Variants in STARD9 observed in about 807,000 individuals in gnomAD.
STARD9 encodes the protein stAR-related lipid transfer protein 9.
Under a neutral mutation model 399.8 loss-of-function variants are expected in STARD9, and 346 were observed. That is an observed-to-expected ratio of 0.87 (90% CI 0.79 to 0.95). The LOEUF (loss-of-function observed/expected upper bound fraction) is 0.95. Ranked by LOEUF, STARD9 falls within the 40% of genes least tolerant of loss-of-function variation. STARD9 has a pLI of 0.00. For synonymous variants in STARD9, 2,203 were observed against 2,143.5 expected, an observed-to-expected ratio of 1.03 and a Z score of -0.77; for missense variants, 5,832 against 5,667.5, an observed-to-expected ratio of 1.03 and a Z score of -0.93.
chr15:42,665,901 C>T, intron 15 of STARD9, 53 bp downstream of exon 15: 6 of 1,445,768 alleles, frequency 4.2e-6, no homozygotes, highest in Non-Finnish European at 5.6e-6. Flanking sequence ...GGAGCTCCTC[C>T]ATTATTCCGG....
chr15:42,703,101 C>T (rs1279523669), intron 26 of STARD9, among the ~76,000 whole-genome samples: 1 of 152,164 alleles, frequency 6.6e-6, no homozygotes, highest in Non-Finnish European at 1.5e-5. Context: ...AGCCTATTTG[C>T]TTCTCTTCTC....
chr15:42,597,299 C>T (rs2141726197), intron 3 of STARD9, among the ~76,000 whole-genome samples: 1 of 152,250 alleles, frequency 6.6e-6, no homozygotes, highest in Non-Finnish European at 1.5e-5. Context: ...CTCCTGGGCT[C>T]CACCTTGGCC....
At chr15:42,632,069 G>T (rs187389986) in intron 3 of STARD9, among the ~76,000 whole-genome samples, 1 of 151,988 alleles carries the variant, frequency 6.6e-6, no homozygotes, top group Non-Finnish European at 1.5e-5. Flanking sequence ...CGGTATTGAG[G>T]TCTCTCTCTC....
chr15:42,706,044 C>T (rs2061071932), intron 26 of STARD9, among the ~76,000 whole-genome samples: 1 of 152,136 alleles, frequency 6.6e-6, no homozygotes, highest in Admixed American at 6.5e-5. Flanking sequence ...TGAGCCACCG[C>T]ACCCGTCCTG....
intron 26 of STARD9, among the ~76,000 whole-genome samples, chr15:42,703,055 A>T (rs1170883753): frequency 6.6e-6 from 1 of 152,136 alleles, no homozygotes; most frequent in Non-Finnish European, 1.5e-5. Flanking sequence ...ATAGTCTCCT[A>T]AAGTGTTGGG....
chr15:42,627,333 A>T (rs571924285), intron 3 of STARD9, among the ~76,000 whole-genome samples: 2 of 152,254 alleles, frequency 1.3e-5, no homozygotes, highest in Admixed American at 6.5e-5. Flanking sequence ...TAGTAGGTAT[A>T]TATATTTATG....
At chr15:42,634,313 A>G (rs1020794645) in intron 3 of STARD9, among the ~76,000 whole-genome samples, 1 of 152,196 alleles carries the variant, frequency 6.6e-6, no homozygotes, top group Admixed American at 6.5e-5. Context: ...TTTCTGATTC[A>G]CTAAAGCAGG....
intron 3 of STARD9, among the ~76,000 whole-genome samples, chr15:42,617,704 TTC>T (rs2058998498): frequency 6.6e-6 from 1 of 152,212 alleles, no homozygotes; most frequent in Admixed American, 6.5e-5. Flanking sequence ...GATTTTTAAA[TTC>T]TCTTTCACTG....
chr15:42,644,357 G>A (rs569045022), intron 7 of STARD9, among the ~76,000 whole-genome samples: 1 of 152,044 alleles, frequency 6.6e-6, no homozygotes, highest in Admixed American at 6.6e-5. Context: ...GCCGGGTGTG[G>A]TGGCGGGCAC....
At position 42,669,231 on chromosome 15, in the gene STARD9, A is replaced by T. The variant is rs1461331549; in HGVS notation, c.1391A>T (p.Asp464Val). The T allele has an allele frequency of 1.3e-6, 2 of 1,537,050 alleles. No homozygotes were observed. Among genetic ancestry groups the T allele is most frequent in the East Asian group, 2.4e-5 (1 of 40,934 alleles). The change falls in exon 16 of 33, where the codon GAC becomes GTC. Residue 464 changes from aspartate (D) to valine (V), a missense_variant. Asp to Val is a radical substitution (Grantham distance 152, BLOSUM62 -3). Around this residue, in one of 2 missense-constraint regions of STARD9, gnomAD observed 5,828 missense variants for 5,651.1 expected, o/e 1.03. Transcript: ENST00000290607. ...WQALMEHYSV[D>V]INRRRAGVVI... ...GCCCTCATGGAGCATTACAGTGTGG[A>T]CATCAACAGGAGGAGGGCTGGGGTG...
chr15:42,707,054 C>A (rs145620783), intron 26 of STARD9, among the ~76,000 whole-genome samples: 2 of 152,182 alleles, frequency 1.3e-5, no homozygotes, highest in African/African-American at 4.8e-5. Flanking sequence ...TTTGCTTTCA[C>A]AATATATTCC....
At chr15:42,617,218 T>A (rs1024000044) in intron 3 of STARD9, among the ~76,000 whole-genome samples, 1 of 152,214 alleles carries the variant, frequency 6.6e-6, no homozygotes, top group African/African-American at 2.4e-5. Flanking sequence ...CACATAATTT[T>A]ATTAGAGTGT....
chr15:42,716,381 A>G (rs2061350358), intron 26 of STARD9, among the ~76,000 whole-genome samples: 1 of 151,982 alleles, frequency 6.6e-6, no homozygotes, highest in Admixed American at 6.6e-5. Flanking sequence ...GGTACCCCCT[A>G]GCTTGGAAGC....
intron 20 of STARD9, 91 bp from the exon 21 acceptor site, chr15:42,681,331 G>A: frequency 7.7e-7 from 1 of 1,296,918 alleles, no homozygotes. Flanking sequence ...TTGATTGCAG[G>A]GGCTCTCTTG....
rs1381460775 is a variant in STARD9, at chr15:42,618,036, G to A, written c.235-16820G>A. 2.6e-5 allele frequency among the ~76,000 whole-genome samples: 4 copies of A among 151,608 alleles called. No individual in the cohort carries two copies. The East Asian group carries it at 7.9e-4, about 30-fold the overall frequency. On this transcript the variant is annotated intron_variant, in intron 3 of 32. Coordinates refer to ENST00000290607, the MANE Select transcript of STARD9 (RefSeq NM_020759.3). ...GGCCTCTCAAGGTGCTGGGATTATA[G>A]GCATGAGCCACCGTGCCTAGCCCAT...
At chr15:42,630,773 T>G (rs2059317535) in intron 3 of STARD9, among the ~76,000 whole-genome samples, 2 of 152,146 alleles carry the variant, frequency 1.3e-5, no homozygotes, top group African/African-American at 4.8e-5. Flanking sequence ...TTGTAATGCT[T>G]CCTTTTTCAT....
chr15:42,713,494 A>G (rs1343374562), intron 26 of STARD9, among the ~76,000 whole-genome samples: 1 of 152,198 alleles, frequency 6.6e-6, no homozygotes, highest in Non-Finnish European at 1.5e-5. Flanking sequence ...GAAGGTATCC[A>G]TCTTTCACCA....
In STARD9 at chr15:42,691,423, A is replaced by G. The variant is rs1273723548; in HGVS notation, c.9845A>G (p.Gln3282Arg). 1.3e-6 allele frequency: 2 copies of G among 1,537,236 alleles called. No homozygotes were observed. Among genetic ancestry groups the G allele is most frequent in the Non-Finnish European group, 8.7e-7 (1 of 1,146,902 alleles). Residue 3282 changes from glutamine (Q) to arginine (R), a missense_variant, in exon 23 of 33, where the codon CAG (glutamine) becomes CGG (arginine). By Grantham distance (43) the Gln-to-Arg change is conservative (BLOSUM62 1). Coordinates refer to ENST00000290607, the MANE Select transcript of STARD9 (RefSeq NM_020759.3). ...TVSLRQNETP[Q>R]PAAQRSGHLY... ...TCCTTGAGGCAAAATGAAACACCGC[A>G]GCCTGCTGCTCAGAGGAGTGGCCAC...
intron 9 of STARD9, among the ~76,000 whole-genome samples, chr15:42,655,055 G>T (rs1344750344): frequency 6.6e-6 from 1 of 152,200 alleles, no homozygotes; most frequent in Non-Finnish European, 1.5e-5. Context: ...GCCGAGGCAG[G>T]CGGATCACTT....
Sources: allele counts gnomAD v4.1 joint callset (sites outside exome capture counted in the v4.1 genomes callset), GRCh38; gene constraint gnomAD v4.1.1; regional missense constraint gnomAD v4.1.1; transcripts MANE v1.5; gene names NCBI Gene and HGNC (gene_info 2026-07-23, HGNC 2026-07-21).